The following LRMDA variants were observed in gnomAD, a reference collection of about 807,000 sequenced individuals.
LRMDA encodes the protein leucine-rich melanocyte differentiation-associated protein.
A neutral mutation model predicts 29.8 loss-of-function variants in LRMDA; 18 were observed. That is an observed-to-expected ratio of 0.60 (90% confidence interval 0.42 to 0.90). The LOEUF is 0.90. Among genes scored for constraint, LRMDA ranks in the 40% least tolerant of loss-of-function variants. The pLI, the probability that LRMDA is intolerant of heterozygous loss-of-function variation, is 0.00. For missense variants in LRMDA, 273 were observed against 273.9 expected, an observed-to-expected ratio of 1.00 and a Z score of 0.02; for synonymous variants, 125 against 109.4, an observed-to-expected ratio of 1.14 and a Z score of -0.89.
chr10:76,138,065 A>T lies in LRMDA; in HGVS notation c.516+79282A>T, dbSNP rs138794825. ...AACTGTAGACATTTTTTACCTTATAATTCCCTGTTTAAACCTGGACAACTT... is the reference window on the plus strand; with the variant it reads ...AACTGTAGACATTTTTTACCTTATATTTCCCTGTTTAAACCTGGACAACTT... On this transcript the variant is annotated intron_variant, in intron 5 of 6. Coordinates refer to ENST00000611255, the MANE Select transcript of LRMDA (RefSeq NM_001305581.2). Among the ~76,000 whole-genome samples, 508 of 152,282 alleles carry T rather than the reference A, an allele frequency of 3.3e-3. 3 individuals are homozygous for T. The highest frequency in any genetic ancestry group is 0.012 in the African/African-American group (490 of 41,562).
intron 2 of LRMDA, among the ~76,000 whole-genome samples, chr10:75,862,669 C>T (rs777311460): frequency 6.6e-6 from 1 of 152,146 alleles, no homozygotes; most frequent in Non-Finnish European, 1.5e-5. Context: ...ATCGGTAGTG[C>T]ATTAACAGGG....
intron 2 of LRMDA, among the ~76,000 whole-genome samples, chr10:75,480,850 C>T (rs1484401514): frequency 6.6e-6 from 1 of 151,998 alleles, no homozygotes; most frequent in African/African-American, 2.4e-5. Flanking sequence ...AGTAGATGAA[C>T]CTGAGGGGAT....
rs529825037 is a variant in LRMDA, at chr10:76,525,159, GAT to G, written c.602-32047_602-32046del. Among the ~76,000 whole-genome samples, 263 of 152,264 alleles carry G rather than the reference GAT, an allele frequency of 1.7e-3. 1 individual carries two copies. Among genetic ancestry groups the G allele is most frequent in the African/African-American group, 6.0e-3 (249 of 41,556 alleles). ...TATCCAGTGTTCAGATCTTGCAAAA[GAT>G]ATGAATTGCACCTTTTTATGTGTTA... On this transcript the variant is annotated intron_variant, in intron 6 of 6. Transcript: ENST00000611255.
At chr10:75,550,967 C>T (rs1054112209) in intron 2 of LRMDA, among the ~76,000 whole-genome samples, 62 of 151,760 alleles carry the variant, frequency 4.1e-4, no homozygotes, top group African/African-American at 1.4e-3. Context: ...GTTCTATTGT[C>T]TACATTTTAC....
At chr10:76,230,359 G>A (rs2132271527) in intron 5 of LRMDA, among the ~76,000 whole-genome samples, 1 of 151,872 alleles carries the variant, frequency 6.6e-6, no homozygotes, top group Admixed American at 6.5e-5. Flanking sequence ...GTAAATGCTG[G>A]GAGAATATAC....
At chr10:75,740,070 T>C (rs1842811058) in intron 2 of LRMDA, among the ~76,000 whole-genome samples, 1 of 152,226 alleles carries the variant, frequency 6.6e-6, no homozygotes. Flanking sequence ...ACATACCTCA[T>C]GGTAAATCAT....
intron 2 of LRMDA, among the ~76,000 whole-genome samples, chr10:75,967,636 C>A (rs372630344): frequency 4.9e-4 from 75 of 152,196 alleles, no homozygotes; most frequent in African/African-American, 1.8e-3. Context: ...GGTGATGAAT[C>A]GGGGATGATT....
intron 5 of LRMDA, among the ~76,000 whole-genome samples, chr10:76,173,615 A>C (rs1850878291): frequency 6.6e-6 from 1 of 152,232 alleles, no homozygotes; most frequent in African/African-American, 2.4e-5. Flanking sequence ...TCAAAGATAC[A>C]AACTATCAAA....
intron 6 of LRMDA, among the ~76,000 whole-genome samples, chr10:76,391,255 TC>T: frequency 6.6e-6 from 1 of 152,272 alleles, no homozygotes; most frequent in East Asian, 1.9e-4. Context: ...GTTCACTCCC[TC>T]CTGGAGTGCC....
chr10:76,453,312 G>T (rs1186210571), intron 6 of LRMDA, among the ~76,000 whole-genome samples: 14 of 152,164 alleles, frequency 9.2e-5, no homozygotes. Flanking sequence ...GAAAGAGTAA[G>T]GATTTGTCTA....
At chr10:75,778,238 C>A (rs1843337871) in intron 2 of LRMDA, among the ~76,000 whole-genome samples, 1 of 152,016 alleles carries the variant, frequency 6.6e-6, no homozygotes, top group Non-Finnish European at 1.5e-5. Flanking sequence ...CCACCATGCC[C>A]AGATAATTTT....
intron 2 of LRMDA, among the ~76,000 whole-genome samples, chr10:75,587,351 G>GT (rs975161569): frequency 5.3e-4 from 80 of 151,598 alleles, no homozygotes; most frequent in South Asian, 8.4e-4. Context: ...TTTTGTTTTT[G>GT]TTTTTTTTCT....
intron 2 of LRMDA, among the ~76,000 whole-genome samples, chr10:75,476,737 C>T (rs1339983169): frequency 6.6e-6 from 1 of 152,178 alleles, no homozygotes; most frequent in Non-Finnish European, 1.5e-5. Context: ...TTTGTTTATG[C>T]TGGACCCCTT....
chr10:76,034,183 A>T (rs747052261), intron 2 of LRMDA, among the ~76,000 whole-genome samples: 13 of 152,014 alleles, frequency 8.6e-5, no homozygotes, highest in African/African-American at 2.4e-4. Flanking sequence ...GTGGGTTTTT[A>T]AATTTTTTTT....
At chr10:75,896,697 C>T (rs902026295) in intron 2 of LRMDA, among the ~76,000 whole-genome samples, 6 of 152,284 alleles carry the variant, frequency 3.9e-5, no homozygotes, top group African/African-American at 7.2e-5. Flanking sequence ...ACAGGAATTT[C>T]GCTGGGCTGT....
intron 5 of LRMDA, among the ~76,000 whole-genome samples, chr10:76,095,389 C>A (rs1286144859): frequency 6.6e-6 from 1 of 152,196 alleles, no homozygotes; most frequent in Admixed American, 6.5e-5. Flanking sequence ...AGCTGAGGGG[C>A]AGTTAGTCCA....
chr10:76,485,233 C>T (rs369553186), intron 6 of LRMDA, among the ~76,000 whole-genome samples: 2 of 151,726 alleles, frequency 1.3e-5, no homozygotes, highest in Non-Finnish European at 2.9e-5. Flanking sequence ...TTTCTGCCTG[C>T]CCTATTTTTG....
intron 6 of LRMDA, among the ~76,000 whole-genome samples, chr10:76,324,701 T>C (rs905879776): frequency 1.6e-4 from 25 of 152,192 alleles, no homozygotes; most frequent in African/African-American, 6.0e-4. Flanking sequence ...AAATCTACGG[T>C]ATAATATAAT....
chr10:75,991,716 T>G (rs1390245598), intron 2 of LRMDA, among the ~76,000 whole-genome samples: 1 of 152,222 alleles, frequency 6.6e-6, no homozygotes, highest in Admixed American at 6.5e-5. Flanking sequence ...TCACATCCTC[T>G]CATAGTTTTT....
Sources: allele counts gnomAD v4.1 joint callset (sites outside exome capture counted in the v4.1 genomes callset), GRCh38; gene constraint gnomAD v4.1.1; transcripts MANE v1.5; gene names NCBI Gene and HGNC (gene_info 2026-07-23, HGNC 2026-07-21).